GIGYF2: variants seen among roughly 807,000 people sequenced by gnomAD.
The protein encoded by GIGYF2 is GRB10-interacting GYF protein 2.
GIGYF2 carries 25 observed loss-of-function variants against 208.1 expected under a neutral mutation model. The observed-to-expected ratio is 0.12, with a 90% CI of 0.09 to 0.17. GIGYF2 has a LOEUF of 0.17. Ranked by LOEUF, GIGYF2 falls within the 10% of genes least tolerant of loss-of-function variation. The pLI, the probability that GIGYF2 is intolerant of heterozygous loss-of-function variation, is 1.00. For missense variants in GIGYF2, 1,302 were observed against 1,579.4 expected (o/e 0.82, Z 2.98); for synonymous variants, 534 against 543.8 (o/e 0.98, Z 0.25).
At chr2:232,782,204 T>TA (rs1229962110) in intron 8 of GIGYF2, among the ~76,000 whole-genome samples, 2 of 152,108 alleles carry the variant, frequency 1.3e-5, no homozygotes, top group Admixed American at 1.3e-4. Flanking sequence ...TATTTCTTTT[T>TA]AAAAAATTTT....
chr2:232,795,953 A>G, intron 13 of GIGYF2, 109 bp from the exon 14 acceptor site: 3 of 783,008 alleles, frequency 3.8e-6, no homozygotes. Flanking sequence ...TTGCATAGTG[A>G]CTTTCATAGA....
intron 8 of GIGYF2, 36 bp from the exon 9 acceptor site, chr2:232,787,114 G>C (rs1457656502): frequency 6.7e-7 from 1 of 1,498,170 alleles, no homozygotes; most frequent in Non-Finnish European, 9.3e-7. Context: ...TACTGGCAGA[G>C]GCTCATGTTT....
At chr2:232,776,347 T>C (rs368623206) in intron 8 of GIGYF2, 181 of 825,594 alleles carry the variant, frequency 2.2e-4, no homozygotes, top group Non-Finnish European at 3.4e-4. Context: ...GTTTTAAAAA[T>C]CTGTTGGAAG....
intron 5 of GIGYF2, among the ~76,000 whole-genome samples, chr2:232,753,687 AT>A (rs1156510025): frequency 6.6e-6 from 1 of 152,202 alleles, no homozygotes; most frequent in African/African-American, 2.4e-5. Context: ...GTAGATAAAA[AT>A]ATCCCTGTCT....
chr2:232,759,638 G>T (rs951619533), intron 6 of GIGYF2, among the ~76,000 whole-genome samples: 1 of 151,526 alleles, frequency 6.6e-6, no homozygotes, highest in Admixed American at 6.6e-5. Flanking sequence ...TATTTTATCA[G>T]AATTTATGTA....
At chr2:232,812,995 TAAGA>T (rs1700780147) in intron 18 of GIGYF2, among the ~76,000 whole-genome samples, 1 of 145,962 alleles carries the variant, frequency 6.9e-6, no homozygotes. Context: ...AGCAAAACTC[TAAGA>T]AAGAAAAAAA....
chr2:232,731,169 G>A (rs1427425933), intron 2 of GIGYF2: 1 of 152,210 alleles, frequency 6.6e-6, no homozygotes, highest in African/African-American at 2.4e-5. Flanking sequence ...ACTGCTGCCT[G>A]TAGGAGCTCC....
chr2:232,852,405 C>T (rs1171441510), intron 28 of GIGYF2, among the ~76,000 whole-genome samples: 4 of 151,922 alleles, frequency 2.6e-5, no homozygotes, highest in Non-Finnish European at 5.9e-5. Flanking sequence ...ATTAGCTGGG[C>T]GTGGTGGTGG....
rs1275442040 is a variant in GIGYF2, at chr2:232,708,668, CT to C, written c.-44+5182del. On this transcript the variant is annotated intron_variant, in intron 2 of 28. Coordinates refer to ENST00000373563, the MANE Select transcript of GIGYF2 (RefSeq NM_001103146.3). The stretch of plus-strand genomic sequence containing the variant: ...TGGGCAACATGGCAAAACCTCATTT[CT>C]TTAAAAAAAAAAAAAAAAAAAAAGT... Among the ~76,000 whole-genome samples the C allele has an allele frequency of 6.6e-5, 6 of 90,526 alleles. No individual in the cohort carries two copies. The South Asian group carries it at 2.5e-3, about 37-fold the overall frequency. The allele number at this position is 90,526 out of a possible 152,430, so 59.4% of individuals were successfully genotyped here. A position where few individuals can be genotyped will look rare whatever the true frequency, so the allele number is the denominator to read the frequency against.
intron 3 of GIGYF2, among the ~76,000 whole-genome samples, chr2:232,740,219 G>A (rs976759767): frequency 3.9e-5 from 6 of 152,188 alleles, no homozygotes; most frequent in African/African-American, 1.4e-4. Flanking sequence ...GCTACTGAGA[G>A]TCTGAGGCTG....
intron 14 of GIGYF2, among the ~76,000 whole-genome samples, chr2:232,800,458 C>G (rs1004359832): frequency 6.6e-6 from 1 of 152,056 alleles, no homozygotes; most frequent in African/African-American, 2.4e-5. Context: ...TTGGGGCCCT[C>G]TGTTCTATTT....
chr2:232,844,355 T>C lies in GIGYF2; in HGVS notation c.3100-14T>C. ...ATGATTCACGATAATCATTTTTCTC[T>C]TTTTCTTTAACAGCATTCCAACCTG... On this transcript the variant is annotated splice_polypyrimidine_tract_variant and intron_variant, in intron 24 of 28. Coordinates refer to ENST00000373563, the MANE Select transcript of GIGYF2 (RefSeq NM_001103146.3). The C allele has an allele frequency of 6.2e-7, 1 of 1,613,000 alleles. No homozygotes were observed.
chr2:232,806,275 T>C lies in GIGYF2; in HGVS notation c.1640-216T>C, dbSNP rs1700560000. On this transcript the variant is annotated intron_variant, in intron 14 of 28. Coordinates refer to ENST00000373563, the MANE Select transcript of GIGYF2 (RefSeq NM_001103146.3). This position sits in a 1 kb window ranked among gnomAD's most constrained non-coding sequence, Gnocchi z 4.0. The stretch of plus-strand genomic sequence containing the variant: ...GTTATGCTCCTTATAATTGAAGTGC[T>C]GCTGATAATTTGGGATGTATAAACA... Among the ~76,000 whole-genome samples the C allele has an allele frequency of 6.6e-6, 1 of 152,256 alleles. No homozygotes were observed. The highest frequency in any genetic ancestry group is 6.5e-5 in the Admixed American group (1 of 15,282).
Position 232,812,439 on chromosome 2 carries a change from GC to G in GIGYF2, c.2057del (p.Pro686GlnfsTer44). The G allele has an allele frequency of 1.3e-6, 2 of 1,557,938 alleles. No individual in the cohort carries two copies. The highest frequency in any genetic ancestry group is 1.8e-6 in the Non-Finnish European group (2 of 1,129,366). ...IPSVTRSVSV[P>X]DTGSIWELQP... is the part of the protein sequence containing the mutation. ...CCTCAGTAACTAGGTCTGTGTCCGT[GC>G]CAGATACTGGCTCTATCTGGGAGCT... On this transcript the variant is annotated frameshift_variant, in exon 18 of 29. Coordinates refer to ENST00000373563, the MANE Select transcript of GIGYF2 (RefSeq NM_001103146.3). LOFTEE classifies it high-confidence loss of function.
At chr2:232,743,043 C>G (rs778103651) in intron 3 of GIGYF2, among the ~76,000 whole-genome samples, 1 of 152,136 alleles carries the variant, frequency 6.6e-6, no homozygotes, top group African/African-American at 2.4e-5. Context: ...CTTTCATAAG[C>G]TGAAGTTTGG....
chr2:232,830,937 C>G (rs1701408736), intron 21 of GIGYF2, among the ~76,000 whole-genome samples: 1 of 152,260 alleles, frequency 6.6e-6, no homozygotes, highest in South Asian at 2.1e-4. Context: ...TTTTTGATGA[C>G]TTTGACAGTT....
At chr2:232,707,480 TTGGGAAC>T (rs1207491474) in intron 2 of GIGYF2, among the ~76,000 whole-genome samples, 1 of 152,158 alleles carries the variant, frequency 6.6e-6, no homozygotes, top group African/African-American at 2.4e-5. Flanking sequence ...GATCAGTTTC[TTGGGAAC>T]TGATGTGTGG....
chr2:232,819,593 G>T (rs1018443229), intron 20 of GIGYF2, among the ~76,000 whole-genome samples: 1 of 152,168 alleles, frequency 6.6e-6, no homozygotes, highest in African/African-American at 2.4e-5. Context: ...AGACTTCACA[G>T]TTTATTGTAA....
chr2:232,722,860 A>T (rs1252356716), intron 2 of GIGYF2, among the ~76,000 whole-genome samples: 1 of 152,158 alleles, frequency 6.6e-6, no homozygotes, highest in Non-Finnish European at 1.5e-5. Context: ...GTTTCCTCAA[A>T]CCCTACCTTA....
Sources: allele counts gnomAD v4.1 joint callset (sites outside exome capture counted in the v4.1 genomes callset), GRCh38; gene constraint gnomAD v4.1.1; non-coding constraint Gnocchi (gnomAD v3.1); transcripts MANE v1.5; gene names NCBI Gene and HGNC (gene_info 2026-07-23, HGNC 2026-07-21).